Variants in ZHX3 observed in about 807,000 individuals in gnomAD.
The protein encoded by ZHX3 is zinc fingers and homeoboxes 3, also known as zinc fingers and homeoboxes protein 3.
In ZHX3, 20 loss-of-function variants were observed where a neutral mutation model predicts 64.5. That is an observed-to-expected ratio of 0.31 (90% confidence interval 0.22 to 0.45). The LOEUF (loss-of-function observed/expected upper bound fraction) is 0.45, where lower values mean the gene tolerates loss of function less well. ZHX3 is among the 20% of genes least tolerant of loss of function. ZHX3 has a pLI of 1.00. For synonymous variants in ZHX3, 423 were observed against 461.6 expected (o/e 0.92, Z 1.07); for missense variants, 1,041 against 1,195.8 (o/e 0.87, Z 1.91).
rs1169734948 is a variant in ZHX3 at position 41,203,439 on chromosome 20, T to C, written c.1478A>G (p.Asp493Gly). ...CPSITSQAFL[D>G]ASIYKNKKSH... The stretch of plus-strand genomic sequence containing the variant: ...TTTCTTATTTTTGTAGATGCTAGCA[T>C]CAAGGAAGGCTTGGGAGGTTATGCT... Residue 493 changes from aspartate (D) to glycine (G), a missense_variant, in exon 3 of 4, where the codon GAT (aspartate) becomes GGT (glycine). By Grantham distance (94) the Asp-to-Gly change is moderately conservative (BLOSUM62 -1). Around this residue, in one of 4 missense-constraint regions of ZHX3, gnomAD observed 649 missense variants for 739.8 expected, o/e 0.88. Transcript: ENST00000683867. The surrounding 1 kb of genome is among the most constrained non-coding windows in gnomAD (Gnocchi z 7.1). 9 of 1,614,180 alleles carry C rather than the reference T, an allele frequency of 5.6e-6. No homozygotes were observed. The highest frequency in any genetic ancestry group is 6.8e-6 in the Non-Finnish European group (8 of 1,180,030).
At chr20:41,275,476 A>G (rs1254137836) in intron 1 of ZHX3, among the ~76,000 whole-genome samples, 1 of 152,198 alleles carries the variant, frequency 6.6e-6, no homozygotes, top group East Asian at 1.9e-4. Context: ...CCCAGAAGGT[A>G]ACCAGGTAAA....
chr20:41,236,374 T>G (rs1204560593), intron 2 of ZHX3, among the ~76,000 whole-genome samples: 1 of 152,158 alleles, frequency 6.6e-6, no homozygotes. Flanking sequence ...CAAACTATAC[T>G]ACAAGGCTAC....
chr20:41,244,260 G>A (rs1173903330), intron 2 of ZHX3, among the ~76,000 whole-genome samples: 1 of 152,142 alleles, frequency 6.6e-6, no homozygotes, highest in Non-Finnish European at 1.5e-5. Context: ...GCTAAATGCG[G>A]AGGCTGGGGA....
intron 2 of ZHX3, among the ~76,000 whole-genome samples, chr20:41,253,264 A>T (rs2042079266): frequency 6.7e-6 from 1 of 149,076 alleles, no homozygotes; most frequent in South Asian, 2.1e-4. Flanking sequence ...AAAAAAAAGT[A>T]TGGACTTGGA....
intron 2 of ZHX3, chr20:41,238,672 C>A (rs898999656): frequency 9.9e-5 from 15 of 152,050 alleles, no homozygotes; most frequent in Non-Finnish European, 2.1e-4. Flanking sequence ...CATATATAGG[C>A]AAGACATTTC....
intron 1 of ZHX3, chr20:41,290,706 T>C (rs1224727129): frequency 6.6e-6 from 1 of 152,168 alleles, no homozygotes; most frequent in Non-Finnish European, 1.5e-5. Context: ...TAGTATGCAG[T>C]AGGAAGGCAG....
At chr20:41,251,835 AAT>A (rs149296506) in intron 2 of ZHX3, among the ~76,000 whole-genome samples, 33 of 149,426 alleles carry the variant, frequency 2.2e-4, no homozygotes, top group Admixed American at 6.0e-4. Context: ...TGAGATACAA[AAT>A]ATATATATAT....
intron 2 of ZHX3, among the ~76,000 whole-genome samples, chr20:41,248,880 TG>T (rs768191803): frequency 1.3e-5 from 2 of 152,304 alleles, no homozygotes; most frequent in East Asian, 1.9e-4. Context: ...ACAGTGTTTT[TG>T]CAAAAGACCC....
chr20:41,280,133 G>A (rs1203460525), intron 1 of ZHX3, among the ~76,000 whole-genome samples: 3 of 152,092 alleles, frequency 2.0e-5, no homozygotes, highest in Non-Finnish European at 4.4e-5. Context: ...ATCCCTGGAC[G>A]TATATCCCTG....
intron 2 of ZHX3, among the ~76,000 whole-genome samples, chr20:41,235,744 C>A (rs890012558): frequency 2.6e-5 from 4 of 152,152 alleles, no homozygotes; most frequent in African/African-American, 9.7e-5. Context: ...CACTCCTATT[C>A]AACATAGTGT....
Position 41,202,817 on chromosome 20 carries a change from T to G in ZHX3, c.2100A>C (p.Leu700=). ...GAGAGCCATTTTCACCAGAGACCCT[T>G]AGCTCACTGGCCAAATCCTCTTCTC... is the stretch of plus-strand genomic sequence containing the variant. The part of the protein sequence containing the change: ...EGGEEDLASE[L]RVSGENGSLE... The change falls in exon 3 of 4, where the codon CTA becomes CTC. Residue 700 remains leucine (L), a synonymous_variant. Coordinates refer to ENST00000683867, the MANE Select transcript of ZHX3 (RefSeq NM_001384317.1). The surrounding 1 kb of genome is among the most constrained non-coding windows in gnomAD (Gnocchi z 7.0). 1 of 1,614,162 alleles carries G rather than the reference T, an allele frequency of 6.2e-7. No individual in the cohort carries two copies. Among genetic ancestry groups the G allele is most frequent in the Non-Finnish European group, 8.5e-7 (1 of 1,180,032 alleles).
chr20:41,233,731 A>T (rs557467916), intron 2 of ZHX3, among the ~76,000 whole-genome samples: 131 of 152,376 alleles, frequency 8.6e-4, no homozygotes, highest in African/African-American at 3.0e-3. Flanking sequence ...AACTATCAGG[A>T]CATCAGAACA....
intron 3 of ZHX3, chr20:41,188,545 G>C (rs1047997187): frequency 2.0e-5 from 3 of 151,896 alleles, no homozygotes; most frequent in Non-Finnish European, 4.4e-5. Context: ...GAGTAGCTGG[G>C]ACTACAGGTA....
Position 41,219,545 on chromosome 20 carries a change from A to G in ZHX3, c.-150-14479T>C, listed in dbSNP as rs1394206535. ...GAAATGGTTCCTTGTAGTAAGCACCAAAAACAACAAAACCTTCCTATAAGT... is the reference window on the plus strand; with the variant it reads ...GAAATGGTTCCTTGTAGTAAGCACCGAAAACAACAAAACCTTCCTATAAGT... On this transcript the variant is annotated intron_variant, in intron 2 of 3. Transcript: ENST00000683867. The surrounding 1 kb of genome is among the most constrained non-coding windows in gnomAD (Gnocchi z 5.0). Among the ~76,000 whole-genome samples the G allele has an allele frequency of 6.6e-6, 1 of 152,246 alleles. No individual in the cohort carries two copies. The highest frequency in any genetic ancestry group is 1.5e-5 in the Non-Finnish European group (1 of 68,050).
chr20:41,209,117 A>T (rs1280539116), intron 2 of ZHX3, among the ~76,000 whole-genome samples: 2 of 152,224 alleles, frequency 1.3e-5, no homozygotes, highest in Non-Finnish European at 2.9e-5. Flanking sequence ...TAAAATACCT[A>T]GGAATCCAAC....
At chr20:41,279,553 T>G (rs1185211538) in intron 1 of ZHX3, among the ~76,000 whole-genome samples, 1 of 152,208 alleles carries the variant, frequency 6.6e-6, no homozygotes, top group Non-Finnish European at 1.5e-5. Flanking sequence ...TGAGGACTTC[T>G]TGTTCATCAT....
rs563217272 is a variant in ZHX3, at chr20:41,234,782, C to T, written c.-150-29716G>A. On this transcript the variant is annotated intron_variant, in intron 2 of 3. Transcript: ENST00000683867. ...GCATAGTCTTAGAATAAGGGCTCCA[C>T]AGCCAGCTGGCTGCTCGGCCAGGCC... Among the ~76,000 whole-genome samples, 8 of 152,362 alleles carry T rather than the reference C, an allele frequency of 5.3e-5. No homozygotes were observed. The South Asian group carries it at 1.4e-3, about 28-fold the overall frequency.
At position 41,228,266 on chromosome 20, in the gene ZHX3, GT is replaced by G. The variant is rs2040392716; in HGVS notation, c.-150-23201del. ...TTCCAACTGCCATTGATCCCTGCAGGTTTTAAAAAACTACATGCATAAATTT... is the reference window on the plus strand; with the variant it reads ...TTCCAACTGCCATTGATCCCTGCAGGTTTAAAAAACTACATGCATAAATTT... On this transcript the variant is annotated intron_variant, in intron 2 of 3. Transcript: ENST00000683867. This position sits in a 1 kb window ranked among gnomAD's most constrained non-coding sequence, Gnocchi z 4.6. Among the ~76,000 whole-genome samples, 2 of 152,044 alleles carry G rather than the reference GT, an allele frequency of 1.3e-5. No homozygotes were observed. Among genetic ancestry groups the G allele is most frequent in the Non-Finnish European group, 2.9e-5 (2 of 68,016 alleles).
At chr20:41,234,700 GGTTAC>G (rs1401849268) in intron 2 of ZHX3, among the ~76,000 whole-genome samples, 8 of 152,358 alleles carry the variant, frequency 5.3e-5, no homozygotes, top group African/African-American at 9.6e-5. Context: ...ACAGCCCTTT[GGTTAC>G]TGGCTGCAAG....
Sources: allele counts gnomAD v4.1 joint callset (sites outside exome capture counted in the v4.1 genomes callset), GRCh38; gene constraint gnomAD v4.1.1; regional missense constraint gnomAD v4.1.1; non-coding constraint Gnocchi (gnomAD v3.1); transcripts MANE v1.5; gene names NCBI Gene and HGNC (gene_info 2026-07-23, HGNC 2026-07-21).